The following PDZRN4 variants were observed in gnomAD, a reference collection of about 807,000 sequenced individuals.
PDZRN4 encodes the protein PDZ domain containing ring finger 4.
A neutral mutation model predicts 99.0 loss-of-function variants in PDZRN4; 70 were observed. That is an observed-to-expected ratio of 0.71 (90% CI 0.58 to 0.86). PDZRN4 has a LOEUF of 0.86. Among genes scored for constraint, PDZRN4 ranks in the 40% least tolerant of loss-of-function variants. The pLI is 0.00. For missense variants in PDZRN4, 1,474 were observed against 1,331.2 expected, an observed-to-expected ratio of 1.11 and a Z score of -1.67; for synonymous variants, 551 against 501.6, an observed-to-expected ratio of 1.10 and a Z score of -1.32.
chr12:41,571,921 A>C (rs1343305865), intron 9 of PDZRN4, among the ~76,000 whole-genome samples: 3 of 152,210 alleles, frequency 2.0e-5, no homozygotes, highest in Non-Finnish European at 4.4e-5. Context: ...TCTGTACTTA[A>C]GGGGAAAAAC....
rs374991843 is a variant in PDZRN4 at position 41,344,341 on chromosome 12, T to C, written c.843+150153T>C. Among the ~76,000 whole-genome samples, 63 of 152,246 alleles carry C rather than the reference T, an allele frequency of 4.1e-4. 1 individual carries two copies. In the East Asian group the frequency reaches 0.011, roughly 26 times the overall value. On this transcript the variant is annotated intron_variant, in intron 3 of 9. Coordinates refer to ENST00000402685, the MANE Select transcript of PDZRN4 (RefSeq NM_001164595.2). ...TGCCTGGACAGTTCATTATTTCTAA[T>C]AGTGACAACATATCGAATGGCATAG...
At position 41,188,716 on chromosome 12, in the gene PDZRN4, C is replaced by G; in HGVS notation, c.261C>G (p.Gly87=). 2 of 1,557,224 alleles carry G rather than the reference C, an allele frequency of 1.3e-6. No individual in the cohort carries two copies. Among genetic ancestry groups the G allele is most frequent in the Non-Finnish European group, 8.6e-7 (1 of 1,162,356 alleles). The change falls in exon 1 of 10, where the codon GGC becomes GGG. Residue 87 remains glycine (G), a synonymous_variant. Coordinates refer to ENST00000402685, the MANE Select transcript of PDZRN4 (RefSeq NM_001164595.2). ...TCCAGTGCGACTACCGCGCCCGCGG[C>G]TGCGGCCACTCGGTCAGGCTGCACG... ...LRVQCDYRAR[G]CGHSVRLHEL...
chr12:41,568,814 A>T (rs981750011), intron 9 of PDZRN4, among the ~76,000 whole-genome samples: 1 of 150,258 alleles, frequency 6.7e-6, no homozygotes, highest in Non-Finnish European at 1.5e-5. Context: ...GTATTTTATT[A>T]TATATATATA....
At chr12:41,465,073 C>T (rs1400941859) in intron 3 of PDZRN4, among the ~76,000 whole-genome samples, 2 of 152,110 alleles carry the variant, frequency 1.3e-5, no homozygotes, top group East Asian at 1.9e-4. Context: ...GATCTGCCCA[C>T]CTTGGCCTCC....
chr12:41,431,531 C>T (rs1231148111), intron 3 of PDZRN4, among the ~76,000 whole-genome samples: 2 of 152,154 alleles, frequency 1.3e-5, no homozygotes, highest in African/African-American at 2.4e-5. Flanking sequence ...TACCTTATTT[C>T]GTCTTCACAG....
At chr12:41,498,365 A>G (rs921738716) in intron 3 of PDZRN4, among the ~76,000 whole-genome samples, 5 of 152,128 alleles carry the variant, frequency 3.3e-5, no homozygotes, top group Admixed American at 3.3e-4. Flanking sequence ...AGAATACCAC[A>G]TACTGGGCAA....
intron 3 of PDZRN4, among the ~76,000 whole-genome samples, chr12:41,288,395 G>C (rs550219827): frequency 6.6e-6 from 1 of 152,266 alleles, no homozygotes; most frequent in East Asian, 1.9e-4. Context: ...GTAATGTTTT[G>C]AGTGAGTGAT....
intron 7 of PDZRN4, among the ~76,000 whole-genome samples, chr12:41,559,781 G>T (rs1939235313): frequency 6.6e-6 from 1 of 152,136 alleles, no homozygotes; most frequent in Non-Finnish European, 1.5e-5. Flanking sequence ...TGTGGTGGGA[G>T]GGACCCAGTG....
At chr12:41,295,689 G>A (rs1432407282) in intron 3 of PDZRN4, among the ~76,000 whole-genome samples, 1 of 152,094 alleles carries the variant, frequency 6.6e-6, no homozygotes, top group Non-Finnish European at 1.5e-5. Context: ...GATATAACAT[G>A]TCTGAACAGG....
At chr12:41,487,544 A>C (rs1758183790) in intron 3 of PDZRN4, among the ~76,000 whole-genome samples, 1 of 152,240 alleles carries the variant, frequency 6.6e-6, no homozygotes, top group African/African-American at 2.4e-5. Flanking sequence ...GTGTATTAAA[A>C]AGTGTTCAAT....
chr12:41,542,047 C>T (rs191220164), intron 5 of PDZRN4, among the ~76,000 whole-genome samples: 2 of 152,246 alleles, frequency 1.3e-5, no homozygotes, highest in Admixed American at 1.3e-4. Flanking sequence ...ACAGATGTAA[C>T]CAAGAAGTAC....
At chr12:41,386,017 A>G (rs1259589365) in intron 3 of PDZRN4, among the ~76,000 whole-genome samples, 5 of 152,200 alleles carry the variant, frequency 3.3e-5, no homozygotes, top group African/African-American at 1.2e-4. Flanking sequence ...CAACATACAC[A>G]AATCAGTAAA....
At position 41,229,669 on chromosome 12, in the gene PDZRN4, G is replaced by A. The variant is rs184197101; in HGVS notation, c.843+35481G>A. On this transcript the variant is annotated intron_variant, in intron 3 of 9. Coordinates refer to ENST00000402685, the MANE Select transcript of PDZRN4 (RefSeq NM_001164595.2). ...ATGACCTCTGGCACCATTGGATATG[G>A]TGCCCTTGGATTTTTTCATTTGTAA... Among the ~76,000 whole-genome samples, 33 of 152,102 alleles carry A rather than the reference G, an allele frequency of 2.2e-4. 2 individuals are homozygous for A. Among genetic ancestry groups the A allele is most frequent in the Non-Finnish European group, 1.3e-4 (9 of 67,978 alleles).
At chr12:41,265,481 G>C (rs572358614) in intron 3 of PDZRN4, among the ~76,000 whole-genome samples, 1 of 152,228 alleles carries the variant, frequency 6.6e-6, no homozygotes, top group South Asian at 2.1e-4. Flanking sequence ...AGCAAGGACC[G>C]ATCTCAAATC....
At chr12:41,469,460 C>T (rs561535935) in intron 3 of PDZRN4, among the ~76,000 whole-genome samples, 3 of 152,336 alleles carry the variant, frequency 2.0e-5, no homozygotes, top group South Asian at 4.1e-4. Context: ...TTAAGTTAAA[C>T]ACAGTGACTT....
At chr12:41,431,167 T>C (rs75323490) in intron 3 of PDZRN4, among the ~76,000 whole-genome samples, 244 of 152,260 alleles carry the variant, frequency 1.6e-3, no homozygotes, top group African/African-American at 5.7e-3. Flanking sequence ...AACTTGGAAA[T>C]TGAAAATGAA....
intron 3 of PDZRN4, among the ~76,000 whole-genome samples, chr12:41,223,637 C>T (rs1317915603): frequency 1.3e-5 from 2 of 152,080 alleles, no homozygotes; most frequent in African/African-American, 4.8e-5. Context: ...AGTTGTTAGG[C>T]CATTAAGTCT....
At chr12:41,301,739 T>C (rs919444340) in intron 3 of PDZRN4, among the ~76,000 whole-genome samples, 2 of 150,052 alleles carry the variant, frequency 1.3e-5, no homozygotes, top group Non-Finnish European at 2.9e-5. Flanking sequence ...AGTTAGTGGC[T>C]GGCAGAATTT....
chr12:41,550,399 C>T (rs1407674187), intron 5 of PDZRN4, among the ~76,000 whole-genome samples: 2 of 152,168 alleles, frequency 1.3e-5, no homozygotes, highest in South Asian at 2.1e-4. Flanking sequence ...TCCTCAACTA[C>T]ATACCTTGTT....
Sources: gnomAD v4.1 joint callset for allele counts (sites outside exome capture counted in the v4.1 genomes callset) on GRCh38, gnomAD v4.1.1 for gene constraint, MANE v1.5 for transcripts, NCBI Gene and HGNC (gene_info 2026-07-23, HGNC 2026-07-21) for gene names.